Variants in MEGF11 observed in about 807,000 individuals in gnomAD.
The protein encoded by MEGF11 is multiple epidermal growth factor-like domains protein 11.
In MEGF11, 126 loss-of-function variants were observed where a neutral mutation model predicts 146.6. That is an observed-to-expected ratio of 0.86 (90% CI 0.74 to 1.00). The LOEUF (loss-of-function observed/expected upper bound fraction) is 1.00. MEGF11 is among the 50% of genes least tolerant of loss of function. The probability of loss-of-function intolerance (pLI) is 0.00; values close to 1 mark genes in which losing one functional copy is unlikely to be tolerated. For synonymous variants in MEGF11, 532 were observed against 583.4 expected (o/e 0.91, Z 1.27); for missense variants, 1,509 against 1,521.2 (o/e 0.99, Z 0.13).
chr15:65,946,820 A>G (rs1344684621), intron 10 of MEGF11, among the ~76,000 whole-genome samples: 4 of 152,114 alleles, frequency 2.6e-5, no homozygotes, highest in Non-Finnish European at 5.9e-5. Context: ...TGACTTAAGC[A>G]CAAGACCCCA....
At chr15:66,104,214 C>T (rs999724069) in intron 4 of MEGF11, among the ~76,000 whole-genome samples, 2 of 152,190 alleles carry the variant, frequency 1.3e-5, no homozygotes, top group Non-Finnish European at 1.5e-5. Flanking sequence ...CAACAAGCTT[C>T]GTTATCTTGT....
chr15:66,128,734 G>A (rs564617763), intron 1 of MEGF11, among the ~76,000 whole-genome samples: 10 of 152,110 alleles, frequency 6.6e-5, no homozygotes, highest in South Asian at 4.2e-4. Context: ...TCAGGCCCCC[G>A]GGCCCATCCT....
chr15:66,160,672 C>CACACACAT (rs1359189130), intron 1 of MEGF11, among the ~76,000 whole-genome samples: 16 of 147,690 alleles, frequency 1.1e-4, no homozygotes, highest in African/African-American at 4.1e-4. Context: ...GGGACACACA[C>CACACACAT]ACACACACAC....
chr15:66,180,795 C>T (rs1050095779), intron 1 of MEGF11, among the ~76,000 whole-genome samples: 1 of 152,202 alleles, frequency 6.6e-6, no homozygotes, highest in African/African-American at 2.4e-5. Context: ...GTTAAGTTGT[C>T]TAGCTCTACG....
In MEGF11 at chr15:66,216,433, C is replaced by G. The variant is rs190388534; in HGVS notation, c.-9+37172G>C. On this transcript the variant is annotated intron_variant, in intron 1 of 25. Coordinates refer to ENST00000395614, the MANE Select transcript of MEGF11 (RefSeq NM_001385028.1). ...GAACTCCCTTCAGCCAGAGATCTTC[C>G]TAATCTGGGCCCTGGGACTCTCACA... Among the ~76,000 whole-genome samples, 570 of 152,290 alleles carry G rather than the reference C, an allele frequency of 3.7e-3. 4 individuals are homozygous for G. The highest frequency in any genetic ancestry group is 0.013 in the African/African-American group (535 of 41,570).
intron 1 of MEGF11, among the ~76,000 whole-genome samples, chr15:66,214,560 G>A (rs1336112723): frequency 6.6e-6 from 1 of 152,184 alleles, no homozygotes; most frequent in African/African-American, 2.4e-5. Flanking sequence ...CCTCTGGGAG[G>A]AGAGAAGTGG....
Position 65,896,192 on chromosome 15 carries a change from T to C in MEGF11, c.*1742A>G, listed in dbSNP as rs2078355897. The C allele has an allele frequency of 6.6e-6, 1 of 152,644 alleles. No homozygotes were observed. Among genetic ancestry groups the C allele is most frequent in the Admixed American group, 6.5e-5 (1 of 15,276 alleles). 9.5% of individuals were successfully genotyped at this position (152,644 alleles called of 1,614,324 possible). ...GTCTCCAAAGTAATTTTCTAATATT[T>C]ATATTTTAATAAGGCTTTTTTGGAA... On this transcript the variant is annotated 3_prime_UTR_variant, in exon 26 of 26. Transcript: ENST00000395614.
intron 1 of MEGF11, among the ~76,000 whole-genome samples, chr15:66,241,978 T>C (rs747204640): frequency 1.1e-4 from 16 of 152,034 alleles, no homozygotes; most frequent in Non-Finnish European, 2.1e-4. Flanking sequence ...AATACAAACA[T>C]AGCCATACTG....
chr15:66,236,382 A>T (rs2092091821), intron 1 of MEGF11, among the ~76,000 whole-genome samples: 1 of 152,166 alleles, frequency 6.6e-6, no homozygotes, highest in Admixed American at 6.5e-5. Context: ...TCCAGTTTGC[A>T]CTTTAGAAAG....
intron 10 of MEGF11, among the ~76,000 whole-genome samples, chr15:65,952,272 A>G (rs1324629586): frequency 6.6e-6 from 1 of 152,072 alleles, no homozygotes; most frequent in Non-Finnish European, 1.5e-5. Context: ...AGATTAGGGT[A>G]GACTAGGTTC....
At chr15:65,928,339 T>C (rs756530759) in intron 13 of MEGF11, 86 bp downstream of exon 13, 9 of 784,914 alleles carry the variant, frequency 1.1e-5, no homozygotes, top group South Asian at 2.1e-5. Context: ...AAGAGAGGTA[T>C]TGAAGAAGAA....
chr15:66,002,183 T>C lies in MEGF11; in HGVS notation c.395-19695A>G, dbSNP rs549088110. Among the ~76,000 whole-genome samples the C allele has an allele frequency of 1.4e-4, 22 of 152,132 alleles. 1 individual carries two copies. In the South Asian group the frequency reaches 4.6e-3, roughly 32 times the overall value. On this transcript the variant is annotated intron_variant, in intron 5 of 25. Coordinates refer to ENST00000395614, the MANE Select transcript of MEGF11 (RefSeq NM_001385028.1). ...AGGCTTCTGTTGCTTAATGAGCTCA[T>C]GGCGCAAGCTGTCTCCAGCTGCAGA...
chr15:66,052,154 A>G (rs186266784), intron 5 of MEGF11, among the ~76,000 whole-genome samples: 19 of 152,346 alleles, frequency 1.2e-4, no homozygotes, highest in South Asian at 2.1e-4. Flanking sequence ...GAGAGGCATT[A>G]GCCTTCTTAA....
At chr15:66,170,870 C>A (rs2090231688) in intron 1 of MEGF11, among the ~76,000 whole-genome samples, 1 of 152,128 alleles carries the variant, frequency 6.6e-6, no homozygotes, top group African/African-American at 2.4e-5. Flanking sequence ...GCAGTAACTG[C>A]CTAATGCCAG....
chr15:66,230,808 G>A lies in MEGF11; in HGVS notation c.-9+22797C>T, dbSNP rs1422964644. ...AAAGAGTTTTTAAAAACCCACTCTAGTATGTAAGTGATGGAAGAGGCATTA... is the reference window on the plus strand; with the variant it reads ...AAAGAGTTTTTAAAAACCCACTCTAATATGTAAGTGATGGAAGAGGCATTA... On this transcript the variant is annotated intron_variant, in intron 1 of 25. Transcript: ENST00000395614. Among the ~76,000 whole-genome samples, 4 of 152,176 alleles carry A rather than the reference G, an allele frequency of 2.6e-5. No homozygotes were observed. The East Asian group carries it at 7.7e-4, about 29-fold the overall frequency.
chr15:66,039,164 G>C (rs2083848619), intron 5 of MEGF11, among the ~76,000 whole-genome samples: 1 of 152,144 alleles, frequency 6.6e-6, no homozygotes, highest in Non-Finnish European at 1.5e-5. Context: ...GGCAGCGATG[G>C]GATGCATCAC....
intron 5 of MEGF11, among the ~76,000 whole-genome samples, chr15:66,050,586 C>A (rs1033408402): frequency 6.6e-6 from 1 of 152,214 alleles, no homozygotes; most frequent in African/African-American, 2.4e-5. Context: ...GGGGCTTCGG[C>A]TCTTACCCTG....
At chr15:66,109,635 G>A (rs2087284388) in intron 4 of MEGF11, among the ~76,000 whole-genome samples, 1 of 152,184 alleles carries the variant, frequency 6.6e-6, no homozygotes, top group Non-Finnish European at 1.5e-5. Flanking sequence ...GGAAGTGAGT[G>A]GAGTCACTCT....
In MEGF11 at chr15:65,970,633, C is replaced by A; in HGVS notation, c.819G>T (p.Gln273His). 1 of 1,613,650 alleles carries A rather than the reference C, an allele frequency of 6.2e-7. No homozygotes were observed. The change falls in exon 8 of 26, where the codon CAG becomes CAT. Residue 273 changes from glutamine (Q) to histidine (H), a missense_variant. Physicochemically the swap from Gln to His is conservative, Grantham distance 24. Transcript: ENST00000395614. The stretch of plus-strand genomic sequence containing the variant: ...GCCCTCCATGGTGGCAAGGACAATC[C>A]TGGCTGCAGTTCTGGCCAAATGTCC... ...PPGTFGQNCSQDCPCHHGGQC... is the reference protein window; with the variant it reads ...PPGTFGQNCSHDCPCHHGGQC...
Sources: gnomAD v4.1 joint callset for allele counts (sites outside exome capture counted in the v4.1 genomes callset) on GRCh38, gnomAD v4.1.1 for gene constraint, MANE v1.5 for transcripts, NCBI Gene and HGNC (gene_info 2026-07-23, HGNC 2026-07-21) for gene names.